UBXN8: variants seen among roughly 807,000 people sequenced by gnomAD.
UBXN8 encodes the protein UBX domain protein 8, also known as UBX domain-containing protein 8.
UBXN8 carries 27 observed loss-of-function variants against 32.1 expected under a neutral mutation model. The ratio of observed to expected loss-of-function variants is 0.84; its 90% CI spans 0.62 to 1.16. The LOEUF (loss-of-function observed/expected upper bound fraction) is 1.16. UBXN8 is among the 50% of genes most tolerant of loss of function. The pLI is 0.00. For missense variants in UBXN8, 306 were observed against 311.4 expected (o/e 0.98, Z 0.13); for synonymous variants, 109 against 111.8 (o/e 0.98, Z 0.16).
At chr8:30,761,385 C>T (rs193023048) in intron 6 of UBXN8, among the ~76,000 whole-genome samples, 1 of 152,092 alleles carries the variant, frequency 6.6e-6, no homozygotes, top group Admixed American at 6.6e-5. Flanking sequence ...GCTGGGATTA[C>T]AGGCATCTGC....
At chr8:30,762,691 C>G (rs1457238483) in intron 6 of UBXN8, among the ~76,000 whole-genome samples, 5 of 152,110 alleles carry the variant, frequency 3.3e-5, no homozygotes, top group African/African-American at 1.2e-4. Context: ...CCGCACCTGG[C>G]CTGATTGGAA....
intron 1 of UBXN8, among the ~76,000 whole-genome samples, chr8:30,738,725 G>A (rs946776264): frequency 2.0e-5 from 3 of 151,614 alleles, no homozygotes; most frequent in African/African-American, 7.3e-5. Flanking sequence ...GGAGGCTCAG[G>A]TGGGTGGATC....
chr8:30,760,443 ATTT>A (rs199634258), intron 5 of UBXN8, among the ~76,000 whole-genome samples: 3 of 91,094 alleles, frequency 3.3e-5, no homozygotes, highest in African/African-American at 1.5e-4. Context: ...ATATATATAT[ATTT>A]TTTTTTTTTT....
intron 4 of UBXN8, 84 bp downstream of exon 4, chr8:30,754,871 T>G (rs556888915): frequency 6.8e-7 from 1 of 1,476,206 alleles, no homozygotes; most frequent in Non-Finnish European, 9.0e-7. Flanking sequence ...AAAATGATGT[T>G]AGACTGCTTT....
At chr8:30,744,457 C>T in intron 1 of UBXN8, 180 bp downstream of exon 1, 1 of 642,592 alleles carries the variant, frequency 1.6e-6, no homozygotes, top group South Asian at 1.8e-5. Context: ...CCTTTTCCCT[C>T]CAGGTGTGAT....
intron 1 of UBXN8, among the ~76,000 whole-genome samples, chr8:30,733,503 C>G (rs1469447685): frequency 2.6e-5 from 4 of 152,186 alleles, no homozygotes; most frequent in African/African-American, 9.7e-5. Context: ...AGGACACCAG[C>G]GAGCTTCCAC....
chr8:30,754,640 A>G, intron 3 of UBXN8, 25 bp from the exon 4 acceptor site: 1 of 1,533,282 alleles, frequency 6.5e-7, no homozygotes, highest in Non-Finnish European at 8.7e-7. Flanking sequence ...GATAGTAACA[A>G]CACCTAATTT....
intron 4 of UBXN8, among the ~76,000 whole-genome samples, chr8:30,756,512 C>G (rs1245988746): frequency 1.3e-5 from 2 of 152,040 alleles, no homozygotes; most frequent in Non-Finnish European, 2.9e-5. Context: ...GAACTCCTGA[C>G]TTCAGGTGAT....
At chr8:30,760,444 T>TATATATATATATA (rs60534482) in intron 5 of UBXN8, among the ~76,000 whole-genome samples, 6 of 67,014 alleles carry the variant, frequency 9.0e-5, no homozygotes, top group South Asian at 5.6e-4. Flanking sequence ...TATATATATA[T>TATATATATATATA]TTTTTTTTTT....
chr8:30,764,815 G>C (rs1039396325), intron 7 of UBXN8, among the ~76,000 whole-genome samples: 1 of 152,168 alleles, frequency 6.6e-6, no homozygotes, highest in Non-Finnish European at 1.5e-5. Flanking sequence ...ACTTTGGGAG[G>C]CTGAGGCAAG....
At chr8:30,740,202 A>T (rs762895122), upstream of UBXN8, among the ~76,000 whole-genome samples, 14 of 151,754 alleles carry the variant, frequency 9.2e-5, no homozygotes, top group Admixed American at 2.0e-4. Context: ...AGTGCTTTGT[A>T]TCTTGCTTGG....
At chr8:30,738,096 T>C (rs769897953) in intron 1 of UBXN8, among the ~76,000 whole-genome samples, 44 of 81,098 alleles carry the variant, frequency 5.4e-4, no homozygotes, top group Non-Finnish European at 1.7e-3. Flanking sequence ...CTGTGTCTAT[T>C]TAAAAAAAAA....
chr8:30,763,381 T>G (rs1805913150), intron 7 of UBXN8, 34 bp downstream of exon 7: 1 of 1,597,362 alleles, frequency 6.3e-7, no homozygotes. Context: ...GAGAAATATC[T>G]TTGTTGAATA....
chr8:30,741,861 A>G (rs1404589883), upstream of UBXN8, among the ~76,000 whole-genome samples: 1 of 152,226 alleles, frequency 6.6e-6, no homozygotes, highest in African/African-American at 2.4e-5. Flanking sequence ...TTCACAAACA[A>G]CAAAGTTTGG....
upstream of UBXN8, chr8:30,732,277 G>A (rs1009215203): frequency 1.5e-5 from 6 of 397,378 alleles, no homozygotes; most frequent in African/African-American, 4.1e-5. Context: ...CACGGCAGTC[G>A]GGTGCGCCAA....
chr8:30,757,933 C>A (rs1805707266), intron 5 of UBXN8, among the ~76,000 whole-genome samples: 2 of 151,572 alleles, frequency 1.3e-5, no homozygotes, highest in East Asian at 2.0e-4. Context: ...GTCGCCCAGA[C>A]TGGAATACAG....
intron 6 of UBXN8, among the ~76,000 whole-genome samples, chr8:30,762,684 C>T (rs1258686523): frequency 6.6e-6 from 1 of 152,154 alleles, no homozygotes; most frequent in Non-Finnish European, 1.5e-5. Flanking sequence ...TGAGCCACCG[C>T]ACCTGGCCTG....
At position 30,766,597 on chromosome 8, in the gene UBXN8, ACC is replaced by A. The variant is rs1806014439; in HGVS notation, c.*204_*205del. Reference sequence around the variant, plus strand: ...TGTGGACTGTGCCATTTTACAGTGTACCAAATGAGAATGAGGTTGAAATGTAT... The same window carrying A: ...TGTGGACTGTGCCATTTTACAGTGTAAAATGAGAATGAGGTTGAAATGTAT... On this transcript the variant is annotated 3_prime_UTR_variant, in exon 8 of 8. Transcript: ENST00000265616. 3 of 370,864 alleles carry A rather than the reference ACC, an allele frequency of 8.1e-6. No homozygotes were observed. The highest frequency in any genetic ancestry group is 2.0e-5 in the African/African-American group (1 of 49,096). The allele number at this position is 370,864 out of a possible 1,614,324, so 23.0% of individuals were successfully genotyped here. A position where few individuals can be genotyped will look rare whatever the true frequency, so the allele number is the denominator to read the frequency against.
upstream of UBXN8, among the ~76,000 whole-genome samples, chr8:30,743,031 A>G (rs1469575204): frequency 1.3e-5 from 2 of 152,134 alleles, no homozygotes; most frequent in African/African-American, 4.8e-5. Flanking sequence ...CAGATGAACT[A>G]AACTGAATAG....
Sources: gnomAD v4.1 joint callset for allele counts (sites outside exome capture counted in the v4.1 genomes callset) on GRCh38, gnomAD v4.1.1 for gene constraint, MANE v1.5 for transcripts, NCBI Gene and HGNC (gene_info 2026-07-23, HGNC 2026-07-21) for gene names.